The following IL1RL1 variants were observed in gnomAD, a reference collection of about 807,000 sequenced individuals.
IL1RL1 encodes the protein interleukin 1 receptor like 1, also known as interleukin-1 receptor-like 1.
In IL1RL1, 32 loss-of-function variants were observed where a neutral mutation model predicts 50.9. That is an observed-to-expected ratio of 0.63 (90% CI 0.47 to 0.84). The LOEUF is 0.84. Among genes scored for constraint, IL1RL1 ranks in the 40% least tolerant of loss-of-function variants. The pLI is 0.00. For synonymous variants in IL1RL1, 275 were observed against 236.0 expected (o/e 1.17, Z -1.51); for missense variants, 773 against 662.9 (o/e 1.17, Z -1.82).
intron 1 of IL1RL1, among the ~76,000 whole-genome samples, chr2:102,319,801 G>T (rs1676785345): frequency 6.6e-6 from 1 of 152,072 alleles, no homozygotes; most frequent in Non-Finnish European, 1.5e-5. Context: ...CGATCCTCTT[G>T]CCTCAGCCTC....
chr2:102,315,884 A>G (rs191985970), intron 1 of IL1RL1, among the ~76,000 whole-genome samples: 323 of 152,338 alleles, frequency 2.1e-3, no homozygotes, highest in Non-Finnish European at 3.9e-3. Context: ...AATTACTTAA[A>G]GTGGGTTTGG....
At chr2:102,313,572 A>G (rs1026516943) in intron 1 of IL1RL1, 13 of 152,106 alleles carry the variant, frequency 8.5e-5, no homozygotes, top group African/African-American at 3.1e-4. Flanking sequence ...TTCTTCCTCT[A>G]TGTCCTTTAA....
At chr2:102,345,270 T>C (rs1677740108) in intron 8 of IL1RL1, 57 of 985,366 alleles carry the variant, frequency 5.8e-5, no homozygotes, top group Non-Finnish European at 6.7e-5. Context: ...CAATGTTGTC[T>C]TGGAAAACAG....
chr2:102,349,420 C>T (rs541206268), intron 10 of IL1RL1, among the ~76,000 whole-genome samples, 174 bp downstream of exon 10: 1 of 152,020 alleles, frequency 6.6e-6, no homozygotes, highest in East Asian at 1.9e-4. Context: ...GCCCCTCTCC[C>T]ATCATTGTCC....
chr2:102,320,491 G>T (rs1676804135), intron 1 of IL1RL1, among the ~76,000 whole-genome samples: 1 of 152,082 alleles, frequency 6.6e-6, no homozygotes, highest in African/African-American at 2.4e-5. Flanking sequence ...TGTATCTCTA[G>T]CCCAATATGT....
chr2:102,343,194 G>A lies in IL1RL1; in HGVS notation c.824+17G>A. The A allele has an allele frequency of 6.2e-7, 1 of 1,614,076 alleles. No homozygotes were observed. The highest frequency in any genetic ancestry group is 8.5e-7 in the Non-Finnish European group (1 of 1,179,960). The stretch of plus-strand genomic sequence containing the variant: ...AAATCAAAGGTATTTTTATATTGAA[G>A]AGAACCATCCTCTTCCCCTTGCACA... On this transcript the variant is annotated intron_variant, in intron 7 of 10. Coordinates refer to ENST00000233954, the MANE Select transcript of IL1RL1 (RefSeq NM_016232.5).
At chr2:102,316,269 C>G (rs1284145996) in intron 1 of IL1RL1, among the ~76,000 whole-genome samples, 1 of 152,166 alleles carries the variant, frequency 6.6e-6, no homozygotes, top group Non-Finnish European at 1.5e-5. Context: ...TTGTCTGTCC[C>G]TGAGCTGAGA....
In IL1RL1 at chr2:102,343,635, C is replaced by T. The variant is rs889728719; in HGVS notation, c.970+220C>T. On this transcript the variant is annotated intron_variant, in intron 8 of 10. Transcript: ENST00000233954. The stretch of plus-strand genomic sequence containing the variant: ...TTAAATTGTTCGTCCTCCCCCACTC[C>T]CTCCTATCGTTGGTTTGTCTAGAAC... The T allele has an allele frequency of 4.2e-6, 6 of 1,429,732 alleles. No homozygotes were observed. The African/African-American group carries it at 8.6e-5, about 21-fold the overall frequency. The allele number at this position is 1,429,732 out of a possible 1,614,324, so 88.6% of individuals were successfully genotyped here.
rs1559592156 is a variant in IL1RL1 at position 102,311,976 on chromosome 2, AT to A, written c.-150+354del. ...TAATATATATTATATATAATATTAT[AT>A]ATAATATATATTATATATAATATAT... On this transcript the variant is annotated intron_variant, in intron 1 of 10. Transcript: ENST00000233954. 1.1e-3 allele frequency among the ~76,000 whole-genome samples: 35 copies of A among 32,618 alleles called. 1 individual carries two copies. The highest frequency in any genetic ancestry group is 7.2e-3 in the African/African-American group (35 of 4,890). The allele number at this position is 32,618 out of a possible 152,430, so 21.4% of individuals were successfully genotyped here.
At chr2:102,344,284 G>T in intron 8 of IL1RL1, 1 of 342,466 alleles carries the variant, frequency 2.9e-6, no homozygotes, top group Non-Finnish European at 4.1e-6. Context: ...GCTCCACCTC[G>T]AATACTGGGG....
At chr2:102,321,119 C>T (rs186981842) in intron 1 of IL1RL1, among the ~76,000 whole-genome samples, 140 of 152,330 alleles carry the variant, frequency 9.2e-4, no homozygotes, top group African/African-American at 3.1e-3. Context: ...CCTGCCCTTT[C>T]GACCTGGGCT....
intron 1 of IL1RL1, among the ~76,000 whole-genome samples, chr2:102,335,335 C>T (rs1227845815): frequency 6.6e-6 from 1 of 152,102 alleles, no homozygotes; most frequent in Non-Finnish European, 1.5e-5. Context: ...AAAAGCTTTA[C>T]CAGCCTAATC....
At chr2:102,336,916 A>G (rs549812582) in intron 1 of IL1RL1, among the ~76,000 whole-genome samples, 2 of 152,186 alleles carry the variant, frequency 1.3e-5, no homozygotes, top group South Asian at 4.1e-4. Flanking sequence ...GGTGTCTGCC[A>G]AATGAGGAGT....
chr2:102,345,807 C>A (rs1677763718), intron 8 of IL1RL1: 1 of 985,378 alleles, frequency 1.0e-6, no homozygotes, highest in Non-Finnish European at 1.2e-6. Context: ...GGCTGTGGAC[C>A]CCATCAAGGT....
chr2:102,319,502 T>C lies in IL1RL1; in HGVS notation c.-150+7879T>C, dbSNP rs1303341146. 4.6e-5 allele frequency among the ~76,000 whole-genome samples: 7 copies of C among 152,288 alleles called. No homozygotes were observed. The East Asian group carries it at 1.2e-3, about 25-fold the overall frequency. On this transcript the variant is annotated intron_variant, in intron 1 of 10. Transcript: ENST00000233954. ...CACTTAAATACATTTGATGAGGGGA[T>C]AAAATGTACATGTAGGTGTGGATTT...
At chr2:102,321,703 C>G (rs757555969) in intron 1 of IL1RL1, among the ~76,000 whole-genome samples, 10 of 152,098 alleles carry the variant, frequency 6.6e-5, no homozygotes, top group Non-Finnish European at 1.3e-4. Flanking sequence ...CCAAAATCAC[C>G]AAGGAATCAT....
intron 8 of IL1RL1, among the ~76,000 whole-genome samples, chr2:102,347,740 T>G (rs1327254163): frequency 1.3e-5 from 2 of 152,148 alleles, no homozygotes; most frequent in Non-Finnish European, 2.9e-5. Flanking sequence ...CTTTTGCCTT[T>G]GAGAATGCCC....
At chr2:102,344,072 C>G in intron 8 of IL1RL1, 1 of 238,134 alleles carries the variant, frequency 4.2e-6, no homozygotes, top group Non-Finnish European at 6.8e-6. Context: ...CTTCTGGGGA[C>G]ACCTCAGGAG....
chr2:102,341,655 A>G (rs560012507), intron 5 of IL1RL1, among the ~76,000 whole-genome samples: 26 of 152,268 alleles, frequency 1.7e-4, no homozygotes, highest in African/African-American at 6.0e-4. Flanking sequence ...CAACCCTTAC[A>G]GTGGTCCTTA....
Sources: gnomAD v4.1 joint callset for allele counts (sites outside exome capture counted in the v4.1 genomes callset) on GRCh38, gnomAD v4.1.1 for gene constraint, MANE v1.5 for transcripts, NCBI Gene and HGNC (gene_info 2026-07-23, HGNC 2026-07-21) for gene names.